NXN: variants seen among roughly 807,000 people sequenced by gnomAD.
NXN encodes the protein nucleoredoxin 1.
NXN carries 16 observed loss-of-function variants against 48.6 expected under a neutral mutation model. The ratio of observed to expected loss-of-function variants is 0.33; its 90% CI spans 0.22 to 0.50. The LOEUF (loss-of-function observed/expected upper bound fraction) is 0.50, where lower values mean the gene tolerates loss of function less well. Ranked by LOEUF, NXN falls within the 20% of genes least tolerant of loss-of-function variation. The pLI is 0.98. For synonymous variants in NXN, 281 were observed against 269.6 expected (o/e 1.04, Z -0.41); for missense variants, 492 against 605.5 (o/e 0.81, Z 1.97).
chr17:947,208 G>A (rs941095344), intron 1 of NXN, among the ~76,000 whole-genome samples: 7 of 152,130 alleles, frequency 4.6e-5, no homozygotes, highest in African/African-American at 1.2e-4. Context: ...CTGAAAAACC[G>A]TCACAGGAAT....
intron 1 of NXN, among the ~76,000 whole-genome samples, chr17:950,190 G>C (rs1309369588): frequency 6.6e-6 from 1 of 152,180 alleles, no homozygotes. Context: ...AAGGAATTCA[G>C]ATCAACATCA....
intron 1 of NXN, among the ~76,000 whole-genome samples, chr17:892,637 G>A (rs796694549): frequency 5.9e-5 from 9 of 152,210 alleles, no homozygotes; most frequent in South Asian, 2.1e-4. Flanking sequence ...GGGGCGGGGC[G>A]GGGTGGGGTG....
At position 811,957 on chromosome 17, in the gene NXN, TCG is replaced by T. The variant is rs1253301058; in HGVS notation, c.821-6712_821-6711del. 3.1e-5 allele frequency among the ~76,000 whole-genome samples: 4 copies of T among 129,178 alleles called. 1 individual carries two copies. The highest frequency in any genetic ancestry group is 1.2e-4 in the African/African-American group (4 of 33,510). The allele number at this position is 129,178 out of a possible 152,430, so 84.7% of individuals were successfully genotyped here. A position where few individuals can be genotyped will look rare whatever the true frequency, so the allele number is the denominator to read the frequency against. On this transcript the variant is annotated intron_variant, in intron 5 of 7. Transcript: ENST00000336868. ...TTTTTTTTTTTTTTGAGACGGAGTC[TCG>T]CTCTGTCGCCCAGGCTGGAGTGCAG...
At chr17:891,329 A>G (rs1391169013) in intron 1 of NXN, among the ~76,000 whole-genome samples, 1 of 152,236 alleles carries the variant, frequency 6.6e-6, no homozygotes, top group African/African-American at 2.4e-5. Context: ...GGCCTCCCAA[A>G]GTGCTAGGAT....
In NXN at chr17:830,791, A is replaced by C. The variant is rs1913412616; in HGVS notation, c.361-4713T>G. The stretch of plus-strand genomic sequence containing the variant: ...CAAGGTGGGCAGATCATCTGAGGTC[A>C]GGAGTTCGACAACAGCCTGGCCAAC... On this transcript the variant is annotated intron_variant, in intron 1 of 7. Coordinates refer to ENST00000336868, the MANE Select transcript of NXN (RefSeq NM_022463.5). This position sits in a 1 kb window ranked among gnomAD's most constrained non-coding sequence, Gnocchi z 4.2. Among the ~76,000 whole-genome samples, 1 of 152,090 alleles carries C rather than the reference A, an allele frequency of 6.6e-6. No homozygotes were observed. Among genetic ancestry groups the C allele is most frequent in the Non-Finnish European group, 1.5e-5 (1 of 68,042 alleles).
chr17:899,945 T>A (rs2068521746), intron 1 of NXN, among the ~76,000 whole-genome samples: 1 of 152,122 alleles, frequency 6.6e-6, no homozygotes, highest in Admixed American at 6.6e-5. Flanking sequence ...GTAAATGATA[T>A]CCTCAAGCTA....
chr17:807,403 G>GCA (rs1297536614), intron 5 of NXN, among the ~76,000 whole-genome samples: 1 of 152,246 alleles, frequency 6.6e-6, no homozygotes, highest in Non-Finnish European at 1.5e-5. Flanking sequence ...AGAGAGGCAG[G>GCA]CACGGGGGAC....
chr17:900,048 C>A (rs1567854877), intron 1 of NXN, among the ~76,000 whole-genome samples: 1 of 152,114 alleles, frequency 6.6e-6, no homozygotes, highest in African/African-American at 2.4e-5. Flanking sequence ...GGCGGATCTC[C>A]TGAGGTCAGG....
chr17:827,607 A>G (rs1318952171), intron 1 of NXN, among the ~76,000 whole-genome samples: 1 of 152,234 alleles, frequency 6.6e-6, no homozygotes, highest in African/African-American at 2.4e-5. Context: ...TGGGTGACAG[A>G]GTGAGACTCC....
rs573530072 is a variant in NXN, at chr17:844,884, G to GT, written c.361-18807dup. On this transcript the variant is annotated intron_variant, in intron 1 of 7. Transcript: ENST00000336868. ...AGGCATGAGCCACTGCACCCAGCCT[G>GT]TTTTTTTTAATGAAAACAAAAATCC... Among the ~76,000 whole-genome samples the GT allele has an allele frequency of 2.0e-3, 298 of 151,816 alleles. 2 individuals are homozygous for GT. The highest frequency in any genetic ancestry group is 6.3e-3 in the African/African-American group (261 of 41,416).
chr17:941,500 T>G (rs1358453746), intron 1 of NXN, among the ~76,000 whole-genome samples: 3 of 116,388 alleles, frequency 2.6e-5, no homozygotes, highest in Admixed American at 8.6e-5. Context: ...GGTGCAGCCA[T>G]GAATTCACCA....
chr17:827,154 G>A (rs1913150180), intron 1 of NXN, among the ~76,000 whole-genome samples: 1 of 152,066 alleles, frequency 6.6e-6, no homozygotes, highest in African/African-American at 2.4e-5. Context: ...GACCAGCCTG[G>A]GCAACATGGT....
intron 1 of NXN, among the ~76,000 whole-genome samples, chr17:909,077 C>A (rs1193300257): frequency 3.0e-5 from 4 of 132,588 alleles, no homozygotes; most frequent in South Asian, 2.5e-4. Flanking sequence ...CCAGCCTGGG[C>A]GACAGAGTGA....
Position 909,126 on chromosome 17 carries a change from A to AAAAC in NXN, c.360+70192_360+70193insGTTT, listed in dbSNP as rs2068609615. On this transcript the variant is annotated intron_variant, in intron 1 of 7. Coordinates refer to ENST00000336868, the MANE Select transcript of NXN (RefSeq NM_022463.5). ...AAAAAAAAAAAAAAAAAAAAAAAAAAACACTCCCTGCCAGCAGTCTGTCCT... is the reference window on the plus strand; with the variant it reads ...AAAAAAAAAAAAAAAAAAAAAAAAAAAAACACACTCCCTGCCAGCAGTCTGTCCT... 2.1e-5 allele frequency among the ~76,000 whole-genome samples: 3 copies of AAAAC among 141,980 alleles called. No homozygotes were observed. In the South Asian group the frequency reaches 6.6e-4, roughly 31 times the overall value. 93.1% of individuals were successfully genotyped at this position (141,980 alleles called of 152,430 possible).
chr17:887,884 G>A (rs1051298886), intron 1 of NXN, among the ~76,000 whole-genome samples: 8 of 152,164 alleles, frequency 5.3e-5, no homozygotes, highest in Non-Finnish European at 8.8e-5. Flanking sequence ...TCAGCGTCAC[G>A]GAGGCCTGAG....
At chr17:870,917 G>C (rs1401321871) in intron 1 of NXN, among the ~76,000 whole-genome samples, 1 of 151,660 alleles carries the variant, frequency 6.6e-6, no homozygotes, top group Non-Finnish European at 1.5e-5. Context: ...GGAGTGCAGT[G>C]GTGCGATCTC....
chr17:943,825 T>TA (rs34131925), intron 1 of NXN, among the ~76,000 whole-genome samples: 1 of 147,748 alleles, frequency 6.8e-6, no homozygotes, highest in Non-Finnish European at 1.5e-5. Flanking sequence ...ACTCCGTCTC[T>TA]AAAAAAGGAA....
In NXN at chr17:979,700, C is replaced by A. The variant is rs753474284; in HGVS notation, c.-22G>T. 8 of 1,386,044 alleles carry A rather than the reference C, an allele frequency of 5.8e-6. No homozygotes were observed. The South Asian group carries it at 1.2e-4, about 21-fold the overall frequency. 85.9% of individuals were successfully genotyped at this position (1,386,044 alleles called of 1,614,324 possible). On this transcript the variant is annotated 5_prime_UTR_variant, in exon 1 of 8. Transcript: ENST00000336868. ...ACATCCTGGCCCACCGCAGGGCGGG[C>A]AGGCGGCTGCGACCCCGCTCCACGG...
intron 1 of NXN, among the ~76,000 whole-genome samples, chr17:953,633 ACTCC>A (rs2069136818): frequency 6.6e-6 from 1 of 152,122 alleles, no homozygotes; most frequent in Non-Finnish European, 1.5e-5. Flanking sequence ...TGTACTTATC[ACTCC>A]ACAGAGAATT....
Sources: gnomAD v4.1 joint callset for allele counts (sites outside exome capture counted in the v4.1 genomes callset) on GRCh38, gnomAD v4.1.1 for gene constraint, Gnocchi (gnomAD v3.1) non-coding constraint, MANE v1.5 for transcripts, NCBI Gene and HGNC (gene_info 2026-07-23, HGNC 2026-07-21) for gene names.